PCDHA5: variants seen among roughly 807,000 people sequenced by gnomAD.
PCDHA5 encodes the protein protocadherin alpha-5.
A neutral mutation model predicts 61.6 loss-of-function variants in PCDHA5; 43 were observed. The ratio of observed to expected loss-of-function variants is 0.70; its 90% CI spans 0.55 to 0.90. The LOEUF (loss-of-function observed/expected upper bound fraction) is 0.90, where lower values mean the gene tolerates loss of function less well. PCDHA5 is among the 40% of genes least tolerant of loss of function. The probability of loss-of-function intolerance (pLI) is 0.00; values close to 1 mark genes in which losing one functional copy is unlikely to be tolerated. For synonymous variants in PCDHA5, 627 were observed against 543.9 expected (o/e 1.15, Z -2.13); for missense variants, 1,298 against 1,222.7 (o/e 1.06, Z -0.92).
chr5:140,998,438 A>T (rs114296649), intron 3 of PCDHA5, among the ~76,000 whole-genome samples: 1,585 of 152,188 alleles, frequency 0.01, 12 homozygotes, highest in Middle Eastern at 0.058. Flanking sequence ...TAACACTATT[A>T]TTGTATTTAT....
At chr5:140,824,378 CT>C in intron 1 of PCDHA5, 1 of 565,876 alleles carries the variant, frequency 1.8e-6, no homozygotes, top group Non-Finnish European at 3.1e-6. Context: ...AATTTTGCAT[CT>C]CTAAAAATGT....
intron 1 of PCDHA5, among the ~76,000 whole-genome samples, chr5:140,907,796 A>AG (rs2073616997): frequency 6.6e-6 from 1 of 152,214 alleles, no homozygotes; most frequent in African/African-American, 2.4e-5. Flanking sequence ...AAAGAGGCTA[A>AG]GTGGTGTCCA....
intron 1 of PCDHA5, among the ~76,000 whole-genome samples, chr5:140,881,802 G>A (rs1239090795): frequency 1.3e-5 from 2 of 152,182 alleles, no homozygotes; most frequent in Admixed American, 6.5e-5. Context: ...CCCAAAACGA[G>A]TGTCGAATAT....
intron 3 of PCDHA5, among the ~76,000 whole-genome samples, chr5:141,000,416 TA>T (rs1479552208): frequency 1.6e-3 from 150 of 93,344 alleles, no homozygotes; most frequent in Non-Finnish European, 2.1e-3. Flanking sequence ...TATATATATA[TA>T]TATATTTTTT....
At chr5:140,877,771 AC>A in intron 1 of PCDHA5, 2 of 1,614,178 alleles carry the variant, frequency 1.2e-6, no homozygotes, top group South Asian at 2.2e-5. Flanking sequence ...CCCGCCCAAG[AC>A]GGACCTCATG....
chr5:140,870,919 C>T (rs1562653740), intron 1 of PCDHA5: 1 of 1,613,952 alleles, frequency 6.2e-7, no homozygotes, highest in Non-Finnish European at 8.5e-7. Context: ...CAACGCGTGG[C>T]TTTCATATGA....
chr5:140,876,924 G>A, intron 1 of PCDHA5: 4 of 1,613,824 alleles, frequency 2.5e-6, no homozygotes, highest in Non-Finnish European at 3.4e-6. Flanking sequence ...ACGCGGACGC[G>A]CAGAAGAACG....
At chr5:140,910,719 C>T (rs527945930) in intron 1 of PCDHA5, among the ~76,000 whole-genome samples, 44 of 152,216 alleles carry the variant, frequency 2.9e-4, no homozygotes, top group African/African-American at 1.0e-3. Context: ...TCTTTTAATC[C>T]ATATTTCAGC....
At chr5:140,967,976 C>G in intron 1 of PCDHA5, 14 of 1,614,222 alleles carry the variant, frequency 8.7e-6, no homozygotes, top group Non-Finnish European at 1.2e-5. Context: ...GAGCCTGGGT[C>G]TGGAGGCCAC....
At position 140,882,956 on chromosome 5, in the gene PCDHA5, A is replaced by G; in HGVS notation, c.2352+58829A>G. The stretch of plus-strand genomic sequence containing the variant: ...GCTGACTGGCACAGTTCAGCTGCTC[A>G]TCACGATTCTGGACGTGAATGACAA... On this transcript the variant is annotated intron_variant, in intron 1 of 3. Coordinates refer to ENST00000529859, the MANE Select transcript of PCDHA5 (RefSeq NM_018908.3). The G allele has an allele frequency of 6.2e-7, 1 of 1,614,228 alleles. No individual in the cohort carries two copies. The highest frequency in any genetic ancestry group is 8.5e-7 in the Non-Finnish European group (1 of 1,180,044).
intron 1 of PCDHA5, chr5:140,883,270 T>C: frequency 6.2e-7 from 1 of 1,614,106 alleles, no homozygotes; most frequent in Non-Finnish European, 8.5e-7. Flanking sequence ...CGGGTCATTG[T>C]ACCCTTTTGG....
chr5:140,840,084 T>A (rs982040414), intron 1 of PCDHA5, among the ~76,000 whole-genome samples: 2 of 151,904 alleles, frequency 1.3e-5, no homozygotes, highest in Non-Finnish European at 2.9e-5. Context: ...AAAGATAAAC[T>A]TGTTGAAGAT....
At chr5:140,945,372 T>C (rs1554216918) in intron 1 of PCDHA5, among the ~76,000 whole-genome samples, 1 of 152,088 alleles carries the variant, frequency 6.6e-6, no homozygotes, top group Non-Finnish European at 1.5e-5. Flanking sequence ...AATGTCCATA[T>C]TACCCAAAGC....
At chr5:140,912,806 T>TA (rs1378576653) in intron 1 of PCDHA5, among the ~76,000 whole-genome samples, 2 of 152,232 alleles carry the variant, frequency 1.3e-5, no homozygotes, top group African/African-American at 4.8e-5. Context: ...TGAGGGTTTT[T>TA]ATCATAAAGG....
At chr5:140,863,736 T>C (rs2048147573) in intron 1 of PCDHA5, 1 of 249,698 alleles carries the variant, frequency 4.0e-6, no homozygotes. Context: ...AGCTCATGCC[T>C]ATTTGTAATC....
intron 3 of PCDHA5, among the ~76,000 whole-genome samples, chr5:141,002,590 C>T (rs183905414): frequency 6.6e-6 from 1 of 152,294 alleles, no homozygotes; most frequent in East Asian, 1.9e-4. Flanking sequence ...AGTCCTTAGT[C>T]CCCTCATCTA....
rs1266651704 is a variant in PCDHA5, at chr5:140,877,267, G to A, written c.2352+53140G>A. ...GGTGGCGAAAGTGCGCGCGGTGGAC[G>A]CTGACTCCGGCTATAACGCTTGGCT... On this transcript the variant is annotated intron_variant, in intron 1 of 3. Coordinates refer to ENST00000529859, the MANE Select transcript of PCDHA5 (RefSeq NM_018908.3). 1.2e-5 allele frequency: 20 copies of A among 1,613,680 alleles called. No homozygotes were observed. Among genetic ancestry groups the A allele is most frequent in the Admixed American group, 6.7e-5 (4 of 59,982 alleles).
chr5:140,993,532 A>C (rs1159592677), intron 3 of PCDHA5, among the ~76,000 whole-genome samples: 1 of 151,984 alleles, frequency 6.6e-6, no homozygotes, highest in African/African-American at 2.4e-5. Flanking sequence ...ACAGAGAGAG[A>C]GAGAGATAGA....
rs200732213 is a variant in PCDHA5, at chr5:140,863,214, A to G, written c.2352+39087A>G. On this transcript the variant is annotated intron_variant, in intron 1 of 3. Transcript: ENST00000529859. ...TGGCGTCGCTGGCGGAGAGCAGCCA[A>G]GCGAGGAAGGTCCCATCGCGGGCTT... The G allele has an allele frequency of 2.6e-3, 2,761 of 1,068,920 alleles. 12 individuals carry two copies. The highest frequency in any genetic ancestry group is 9.8e-3 in the Middle Eastern group (44 of 4,506). The allele number at this position is 1,068,920 out of a possible 1,614,324, so 66.2% of individuals were successfully genotyped here. A position where few individuals can be genotyped will look rare whatever the true frequency, so the allele number is the denominator to read the frequency against.
Sources: allele counts gnomAD v4.1 joint callset (sites outside exome capture counted in the v4.1 genomes callset), GRCh38; gene constraint gnomAD v4.1.1; transcripts MANE v1.5; gene names NCBI Gene and HGNC (gene_info 2026-07-23, HGNC 2026-07-21).